The following ST3GAL3 variants were observed in gnomAD, a reference collection of about 807,000 sequenced individuals.
ST3GAL3 encodes the protein CMP-N-acetylneuraminate-beta-1,4-galactoside alpha-2,3-sialyltransferase.
A neutral mutation model predicts 50.1 loss-of-function variants in ST3GAL3; 21 were observed. That is an observed-to-expected ratio of 0.42 (90% CI 0.30 to 0.60). The LOEUF (loss-of-function observed/expected upper bound fraction) is 0.60. Ranked by LOEUF, ST3GAL3 falls within the 20% of genes least tolerant of loss-of-function variation. The pLI, the probability that ST3GAL3 is intolerant of heterozygous loss-of-function variation, is 0.19. For synonymous variants in ST3GAL3, 183 were observed against 190.0 expected, an observed-to-expected ratio of 0.96 and a Z score of 0.30; for missense variants, 353 against 489.4, an observed-to-expected ratio of 0.72 and a Z score of 2.63.
At position 43,774,147 on chromosome 1, in the gene ST3GAL3, C is replaced by G. The variant is rs1243223534; in HGVS notation, c.119-17955C>G. ...CAGATATATAAGGGAAAAAGACATA[C>G]TTGGGGGGGCAATTGGGTACATTTT... On this transcript the variant is annotated intron_variant, in intron 2 of 11. Coordinates refer to ENST00000347631, the MANE Select transcript of ST3GAL3 (RefSeq NM_006279.5). Among the ~76,000 whole-genome samples, 4 of 152,050 alleles carry G rather than the reference C, an allele frequency of 2.6e-5. No individual in the cohort carries two copies. In the East Asian group the frequency reaches 7.7e-4, roughly 29 times the overall value.
intron 2 of ST3GAL3, among the ~76,000 whole-genome samples, chr1:43,759,536 A>G (rs1383763043): frequency 6.6e-6 from 1 of 152,240 alleles, no homozygotes; most frequent in Non-Finnish European, 1.5e-5. Flanking sequence ...AGTTTAAGCA[A>G]GAAGAGCTGT....
At chr1:43,865,669 C>T (rs1200485765) in intron 5 of ST3GAL3, among the ~76,000 whole-genome samples, 1 of 152,064 alleles carries the variant, frequency 6.6e-6, no homozygotes, top group Non-Finnish European at 1.5e-5. Flanking sequence ...AAAGGAGACA[C>T]CTAATCAAAG....
chr1:43,766,739 A>T (rs1693182025), intron 2 of ST3GAL3, among the ~76,000 whole-genome samples: 1 of 152,180 alleles, frequency 6.6e-6, no homozygotes, highest in African/African-American at 2.4e-5. Flanking sequence ...ACCTGGTGGA[A>T]AAGTAGTGTT....
intron 5 of ST3GAL3, among the ~76,000 whole-genome samples, chr1:43,873,352 A>C (rs1409844239): frequency 6.6e-6 from 1 of 152,244 alleles, no homozygotes; most frequent in Non-Finnish European, 1.5e-5. Context: ...GTAGCCTGAG[A>C]AACTGGAAGA....
intron 5 of ST3GAL3, chr1:43,841,203 T>C (rs1421774094): frequency 1.3e-5 from 2 of 152,384 alleles, no homozygotes; most frequent in African/African-American, 4.8e-5. Context: ...TGCTGGTGGA[T>C]CTACCATTCT....
chr1:43,745,452 ATAAGT>A (rs1010736924), intron 2 of ST3GAL3, among the ~76,000 whole-genome samples: 4 of 149,320 alleles, frequency 2.7e-5, no homozygotes, highest in African/African-American at 1.0e-4. Context: ...AAATAGACTG[ATAAGT>A]TAAGGATGAG....
Position 43,736,300 on chromosome 1 carries a change from C to G in ST3GAL3, c.38C>G (p.Ala13Gly). 6.2e-7 allele frequency: 1 copy of G among 1,614,090 alleles called. No homozygotes were observed. The highest frequency in any genetic ancestry group is 8.5e-7 in the Non-Finnish European group (1 of 1,180,020). ...LLVFVRNLLL[A>G]LCLFLVLGFL... Reference sequence around the variant, plus strand: ...GTATTTGTGCGCAATCTGCTGCTAGCCCTCTGCCTCTTTCTGGTACTGGGA... The same window carrying G: ...GTATTTGTGCGCAATCTGCTGCTAGGCCTCTGCCTCTTTCTGGTACTGGGA... Residue 13 changes from alanine (A) to glycine (G), a missense_variant, in exon 2 of 12, where the codon GCC (alanine) becomes GGC (glycine). Coordinates refer to ENST00000347631, the MANE Select transcript of ST3GAL3 (RefSeq NM_006279.5).
At chr1:43,834,853 G>C (rs1452657447) in intron 4 of ST3GAL3, among the ~76,000 whole-genome samples, 3 of 152,214 alleles carry the variant, frequency 2.0e-5, no homozygotes, top group African/African-American at 7.2e-5. Flanking sequence ...TTGAAAATCA[G>C]ATTTTCCATC....
chr1:43,752,168 C>T (rs780100290), intron 2 of ST3GAL3, among the ~76,000 whole-genome samples: 1 of 152,102 alleles, frequency 6.6e-6, no homozygotes, highest in Non-Finnish European at 1.5e-5. Context: ...TGTTCTAAAG[C>T]GCTTTGCATG....
chr1:43,793,949 G>A (rs1315267449), intron 3 of ST3GAL3, among the ~76,000 whole-genome samples: 1 of 152,062 alleles, frequency 6.6e-6, no homozygotes, highest in East Asian at 1.9e-4. Flanking sequence ...TAAGGGCACG[G>A]TGGCGTGTGC....
At chr1:43,811,417 C>G (rs894651776) in intron 3 of ST3GAL3, among the ~76,000 whole-genome samples, 1 of 152,038 alleles carries the variant, frequency 6.6e-6, no homozygotes, top group Non-Finnish European at 1.5e-5. Flanking sequence ...TTCTGATGAC[C>G]CCTTTCCATT....
Position 43,899,485 on chromosome 1 carries a change from G to A in ST3GAL3, c.558-56G>A, listed in dbSNP as rs1388862250. On this transcript the variant is annotated intron_variant, in intron 8 of 11. Transcript: ENST00000347631. The surrounding 1 kb of genome is among the most constrained non-coding windows in gnomAD (Gnocchi z 5.4). The stretch of plus-strand genomic sequence containing the variant: ...TTCTCCATGCCTGGGATAGTCTGGG[G>A]TCATGGTGCCTTCCCAAACACAGGC... 1.2e-6 allele frequency: 2 copies of A among 1,604,854 alleles called. No individual in the cohort carries two copies. Among genetic ancestry groups the A allele is most frequent in the African/African-American group, 2.7e-5 (2 of 74,862 alleles).
chr1:43,917,452 T>C (rs1158916144), intron 9 of ST3GAL3, among the ~76,000 whole-genome samples: 1 of 23,132 alleles, frequency 4.3e-5, no homozygotes, highest in Non-Finnish European at 2.3e-4. Context: ...TAATATATAA[T>C]ATATAATATA....
At chr1:43,911,614 C>T (rs12058552) in intron 9 of ST3GAL3, among the ~76,000 whole-genome samples, 89,404 of 127,772 alleles carry the variant, frequency 0.7, 31,183 homozygotes, top group Non-Finnish European at 0.81. Context: ...TAGATATCTA[C>T]AGATATATCT....
Position 43,809,262 on chromosome 1 carries a change from A to G in ST3GAL3, c.167-5629A>G, listed in dbSNP as rs572744840. ...AAGCATGAGAATATTAAGGAAAGGC[A>G]CGGAAGATATGAAAAAAAACTCCCA... On this transcript the variant is annotated intron_variant, in intron 3 of 11. Transcript: ENST00000347631. Among the ~76,000 whole-genome samples, 9 of 152,314 alleles carry G rather than the reference A, an allele frequency of 5.9e-5. 2 individuals carry two copies. Among genetic ancestry groups the G allele is most frequent in the African/African-American group, 2.2e-4 (9 of 41,558 alleles).
intron 3 of ST3GAL3, among the ~76,000 whole-genome samples, chr1:43,808,186 C>T (rs1351012500): frequency 4.6e-5 from 7 of 151,756 alleles, no homozygotes; most frequent in Non-Finnish European, 8.8e-5. Context: ...CGCCTGTAAT[C>T]CCAGCTACTC....
intron 9 of ST3GAL3, chr1:43,914,253 A>C (rs1241186018): frequency 6.6e-6 from 1 of 152,270 alleles, no homozygotes; most frequent in East Asian, 1.9e-4. Context: ...TTGTGAAGTC[A>C]AACGCAGCTC....
At chr1:43,708,114 A>T (rs776800487) in intron 1 of ST3GAL3, 16 of 152,430 alleles carry the variant, frequency 1.0e-4, no homozygotes, top group Non-Finnish European at 1.6e-4. Context: ...TTACTGCTCT[A>T]GCGGGGGCCA....
chr1:43,848,779 C>G (rs1293541010), intron 5 of ST3GAL3, among the ~76,000 whole-genome samples: 1 of 152,170 alleles, frequency 6.6e-6, no homozygotes, highest in Non-Finnish European at 1.5e-5. Context: ...ATTCAAATTA[C>G]ATGGATGCTA....
Sources: gnomAD v4.1 joint callset for allele counts (sites outside exome capture counted in the v4.1 genomes callset) on GRCh38, gnomAD v4.1.1 for gene constraint, Gnocchi (gnomAD v3.1) non-coding constraint, MANE v1.5 for transcripts, NCBI Gene and HGNC (gene_info 2026-07-23, HGNC 2026-07-21) for gene names.